The following LAMA5 variants were observed in gnomAD, a reference collection of about 807,000 sequenced individuals.
LAMA5 encodes laminin subunit alpha-5.
A neutral mutation model predicts 433.4 loss-of-function variants in LAMA5; 260 were observed. The ratio of observed to expected loss-of-function variants is 0.60; its 90% CI spans 0.54 to 0.66. The LOEUF is 0.66. Among genes scored for constraint, LAMA5 ranks in the 30% least tolerant of loss-of-function variants. The pLI, the probability that LAMA5 is intolerant of heterozygous loss-of-function variation, is 0.00. For missense variants in LAMA5, 5,378 were observed against 5,258.5 expected (o/e 1.02, Z -0.70); for synonymous variants, 2,620 against 2,226.6 (o/e 1.18, Z -4.97).
chr20:62,343,774 C>CACAAAAAAAAAAA (rs1982947929), intron 11 of LAMA5, among the ~76,000 whole-genome samples: 1 of 61,368 alleles, frequency 1.6e-5, no homozygotes, highest in Non-Finnish European at 3.3e-5. Flanking sequence ...GAAACTCCAT[C>CACAAAAAAAAAAA]AAAAAAAAAA....
chr20:62,343,145 T>C (rs1316343079), intron 11 of LAMA5, among the ~76,000 whole-genome samples: 1 of 152,230 alleles, frequency 6.6e-6, no homozygotes, highest in African/African-American at 2.4e-5. Flanking sequence ...AAGCTACAGC[T>C]GGTAACGGTA....
Position 62,335,280 on chromosome 20 carries a change from C to G in LAMA5, c.2324-11G>C. On this transcript the variant is annotated splice_polypyrimidine_tract_variant and intron_variant, in intron 18 of 79. Coordinates refer to ENST00000252999, the MANE Select transcript of LAMA5 (RefSeq NM_005560.6). ...GGTCGCAGCTGCAGCCTGGGGAGAGCAGGGCAGGACTCAGATGCTTGGTGG... is the reference window on the plus strand; with the variant it reads ...GGTCGCAGCTGCAGCCTGGGGAGAGGAGGGCAGGACTCAGATGCTTGGTGG... The G allele has an allele frequency of 6.2e-7, 1 of 1,611,684 alleles. No individual in the cohort carries two copies. The highest frequency in any genetic ancestry group is 8.5e-7 in the Non-Finnish European group (1 of 1,179,334).
intron 1 of LAMA5, among the ~76,000 whole-genome samples, chr20:62,365,194 C>T (rs1437190916): frequency 2.6e-5 from 4 of 152,238 alleles, no homozygotes; most frequent in South Asian, 2.1e-4. Context: ...TGGGCGAGGC[C>T]GGCTGGTTTC....
rs766481172 is a variant in LAMA5, at chr20:62,323,447, G to T, written c.6064+9C>A. Reference sequence around the variant, plus strand: ...CCCCAGGGTGCATCCCTCCCAGCCCGACGCCTACGGGTGCAGTTGCCGGGC... The same window carrying T: ...CCCCAGGGTGCATCCCTCCCAGCCCTACGCCTACGGGTGCAGTTGCCGGGC... On this transcript the variant is annotated intron_variant, in intron 45 of 79. Coordinates refer to ENST00000252999, the MANE Select transcript of LAMA5 (RefSeq NM_005560.6). 6.5e-7 allele frequency: 1 copy of T among 1,532,366 alleles called. No individual in the cohort carries two copies. The highest frequency in any genetic ancestry group is 1.2e-5 in the South Asian group (1 of 82,954). The allele number at this position is 1,532,366 out of a possible 1,614,324, so 94.9% of individuals were successfully genotyped here. A position where few individuals can be genotyped will look rare whatever the true frequency, so the allele number is the denominator to read the frequency against.
chr20:62,334,493 C>A, intron 21 of LAMA5, 29 bp downstream of exon 21: 1 of 1,540,550 alleles, frequency 6.5e-7, no homozygotes, highest in South Asian at 1.2e-5. Flanking sequence ...GCCCCGCTCC[C>A]CACCACCCAG....
Position 62,322,453 on chromosome 20 carries a change from T to C in LAMA5, c.6166-4A>G, listed in dbSNP as rs540006805. The C allele has an allele frequency of 1.3e-6, 2 of 1,574,024 alleles. No individual in the cohort carries two copies. Among genetic ancestry groups the C allele is most frequent in the East Asian group, 2.3e-5 (1 of 42,668 alleles). On this transcript the variant is annotated splice_region_variant and splice_polypyrimidine_tract_variant and intron_variant, in intron 46 of 79. Coordinates refer to ENST00000252999, the MANE Select transcript of LAMA5 (RefSeq NM_005560.6). ...CATCGAAACCAAAATGTCCCTCCTGTGGCACAGGCTGGTCACTGCCCTGCC... is the reference window on the plus strand; with the variant it reads ...CATCGAAACCAAAATGTCCCTCCTGCGGCACAGGCTGGTCACTGCCCTGCC...
At chr20:62,358,103 G>A (rs1046646461) in intron 2 of LAMA5, among the ~76,000 whole-genome samples, 1 of 152,160 alleles carries the variant, frequency 6.6e-6, no homozygotes, top group African/African-American at 2.4e-5. Context: ...GGCCTGGGGG[G>A]TCTAGGTGGG....
chr20:62,351,837 G>A (rs1455586574), intron 5 of LAMA5, 36 bp from the exon 6 acceptor site: 1 of 1,585,116 alleles, frequency 6.3e-7, no homozygotes, highest in African/African-American at 1.3e-5. Flanking sequence ...CAGGCGGCCA[G>A]GCCTCACTCA....
At chr20:62,329,309 C>A (rs1178670001) in intron 32 of LAMA5, 56 bp from the exon 33 acceptor site, 2 of 1,335,062 alleles carry the variant, frequency 1.5e-6, no homozygotes, top group Non-Finnish European at 2.1e-6. Context: ...AGCGGGGAGG[C>A]CCCCAGAGGC....
chr20:62,353,065 T>C, intron 3 of LAMA5, 69 bp downstream of exon 3: 1 of 1,157,834 alleles, frequency 8.6e-7, no homozygotes, highest in Non-Finnish European at 1.2e-6. Flanking sequence ...TTCAGAAGCC[T>C]GGTCACGGAG....
intron 57 of LAMA5, chr20:62,316,264 T>C: frequency 1.7e-6 from 1 of 594,704 alleles, no homozygotes; most frequent in South Asian, 2.0e-5. Context: ...CTGGTCCCAC[T>C]GCAGGCATAG....
rs375448376 is a variant in LAMA5 at position 62,315,928 on chromosome 20, C to G, written c.7867+20G>C. On this transcript the variant is annotated intron_variant, in intron 58 of 79. Transcript: ENST00000252999. ...CTCATGGTCGGCCGGCTGCGAGAGC[C>G]GGGCCCAGGCTCCGCATACCTGTGT... 3.2e-6 allele frequency: 5 copies of G among 1,550,878 alleles called. No individual in the cohort carries two copies. In the East Asian group the frequency reaches 9.3e-5, roughly 29 times the overall value.
chr20:62,312,511 G>T lies in LAMA5; in HGVS notation c.9249C>A (p.Thr3083=). 6.3e-7 allele frequency: 1 copy of T among 1,598,982 alleles called. No individual in the cohort carries two copies. Among genetic ancestry groups the T allele is most frequent in the Non-Finnish European group, 8.5e-7 (1 of 1,179,642 alleles). ...LPPSLRRLFP[T]GGSVRGCVKG... is the part of the protein sequence containing the mutation. The stretch of plus-strand genomic sequence containing the variant: ...TGACGCAGCCACGGACTGAGCCTCC[G>T]GTGGGGAAGAGCCGTCGCAGGCTGT... The change falls in exon 68 of 80, where the codon ACC becomes ACA. Residue 3083 remains threonine, a synonymous_variant. Coordinates refer to ENST00000252999, the MANE Select transcript of LAMA5 (RefSeq NM_005560.6).
At position 62,318,665 on chromosome 20, in the gene LAMA5, G is replaced by A; in HGVS notation, c.7043-15C>T. Reference sequence around the variant, plus strand: ...CCGGGCCAGCACTAGCCGAGACCAGGGTGAGGGTGGTCACTCTGGAAGCCA... The same window carrying A: ...CCGGGCCAGCACTAGCCGAGACCAGAGTGAGGGTGGTCACTCTGGAAGCCA... On this transcript the variant is annotated splice_polypyrimidine_tract_variant and intron_variant, in intron 52 of 79. Coordinates refer to ENST00000252999, the MANE Select transcript of LAMA5 (RefSeq NM_005560.6). 4 of 1,607,114 alleles carry A rather than the reference G, an allele frequency of 2.5e-6. No individual in the cohort carries two copies. Among genetic ancestry groups the A allele is most frequent in the Non-Finnish European group, 3.4e-6 (4 of 1,177,150 alleles).
chr20:62,327,084 C>T, intron 38 of LAMA5, 118 bp from the exon 39 acceptor site: 6 of 1,100,860 alleles, frequency 5.5e-6, no homozygotes, highest in Non-Finnish European at 7.8e-6. Context: ...GATACTTGCG[C>T]TCATTCCCTA....
At chr20:62,331,704 C>T (rs73313218) in intron 28 of LAMA5, among the ~76,000 whole-genome samples, 2,271 of 152,290 alleles carry the variant, frequency 0.015, 49 homozygotes, top group African/African-American at 0.046. Context: ...GCAACTTATC[C>T]GCTGACACAA....
intron 70 of LAMA5, 32 bp from the exon 71 acceptor site, chr20:62,311,816 T>TGGC: frequency 4.3e-5 from 65 of 1,520,718 alleles, no homozygotes; most frequent in Non-Finnish European, 5.6e-5. Context: ...GCTCGGTTTT[T>TGGC]CCCCACCCTG....
In LAMA5 at chr20:62,313,029, G is replaced by A. The variant is rs747454665; in HGVS notation, c.8956-19C>T. On this transcript the variant is annotated intron_variant, in intron 65 of 79. Transcript: ENST00000252999. ...ACTGGCTCTGCAGAAACAGGGCAGGGTTAGTGTGGGGCAGGGTCAGTGCAA... is the reference window on the plus strand; with the variant it reads ...ACTGGCTCTGCAGAAACAGGGCAGGATTAGTGTGGGGCAGGGTCAGTGCAA... The A allele has an allele frequency of 6.3e-7, 1 of 1,592,066 alleles. No individual in the cohort carries two copies. The highest frequency in any genetic ancestry group is 1.7e-5 in the Admixed American group (1 of 59,200).
Position 62,337,650 on chromosome 20 carries a change from C to A in LAMA5, c.2104G>T (p.Val702Leu), listed in dbSNP as rs760468601. 1 of 1,612,342 alleles carries A rather than the reference C, an allele frequency of 6.2e-7. No homozygotes were observed. The change falls in exon 16 of 80, where the codon GTG (valine) becomes TTG (leucine). Residue 702 changes from valine (V) to leucine (L), a missense_variant. By Grantham distance (32) the Val-to-Leu change is conservative. Coordinates refer to ENST00000252999, the MANE Select transcript of LAMA5 (RefSeq NM_005560.6). ...RSGQCSCRPR[V>L]TGLRCDTCVP... Reference sequence around the variant, plus strand: ...CATGTGTCACACCGCAGCCCCGTCACACGGGGCCGGCAGCTGCACTGCCCA... The same window carrying A: ...CATGTGTCACACCGCAGCCCCGTCAAACGGGGCCGGCAGCTGCACTGCCCA...
Sources: gnomAD v4.1 joint callset for allele counts (sites outside exome capture counted in the v4.1 genomes callset) on GRCh38, gnomAD v4.1.1 for gene constraint, MANE v1.5 for transcripts, NCBI Gene and HGNC (gene_info 2026-07-23, HGNC 2026-07-21) for gene names.